BZW1: variants seen among roughly 807,000 people sequenced by gnomAD.
BZW1 encodes the protein eIF5-mimic protein 2.
In BZW1, 3 loss-of-function variants were observed where a neutral mutation model predicts 54.1. The observed-to-expected ratio is 0.06, with a 90% CI of 0.03 to 0.14. The LOEUF (loss-of-function observed/expected upper bound fraction) is 0.14, where lower values mean the gene tolerates loss of function less well. BZW1 is among the 10% of genes least tolerant of loss of function. The probability of loss-of-function intolerance (pLI) is 1.00; values close to 1 mark genes in which losing one functional copy is unlikely to be tolerated. For missense variants in BZW1, 206 were observed against 491.7 expected (o/e 0.42, Z 5.50); for synonymous variants, 152 against 162.7 (o/e 0.93, Z 0.50).
rs541791211 is a variant in BZW1, at chr2:200,812,983, A to G, written c.-10-225A>G. ...ACAATGTCGCTTAAAAGTAGTTCACAGCACTAATTTGAAGGGTTTCTTGTA... is the reference window on the plus strand; with the variant it reads ...ACAATGTCGCTTAAAAGTAGTTCACGGCACTAATTTGAAGGGTTTCTTGTA... On this transcript the variant is annotated intron_variant, in intron 1 of 11. Transcript: ENST00000409600. 1.7e-5 allele frequency: 12 copies of G among 691,324 alleles called. No individual in the cohort carries two copies. The African/African-American group carries it at 2.1e-4, about 12-fold the overall frequency. 42.8% of individuals were successfully genotyped at this position (691,324 alleles called of 1,614,324 possible). A position where few individuals can be genotyped will look rare whatever the true frequency, so the allele number is the denominator to read the frequency against.
At position 200,825,591 on chromosome 2, in the gene BZW1, C is replaced by G. The variant is rs902231974; in HGVS notation, c.*3413C>G. The G allele has an allele frequency of 2.0e-5, 3 of 152,218 alleles. No individual in the cohort carries two copies. The highest frequency in any genetic ancestry group is 4.4e-5 in the Non-Finnish European group (3 of 68,036). The allele number at this position is 152,218 out of a possible 1,614,324, so 9.4% of individuals were successfully genotyped here. On this transcript the variant is annotated 3_prime_UTR_variant, in exon 12 of 12. Coordinates refer to ENST00000409600, the MANE Select transcript of BZW1 (RefSeq NM_001207067.2). ...TTGTTCCTTACCCCACCACAGGCAA[C>G]AGACAAAGCATTTCCTGCTGTCTTT...
At chr2:200,815,550 T>C (rs745707522) in intron 3 of BZW1, 33 bp downstream of exon 3, 2 of 1,611,408 alleles carry the variant, frequency 1.2e-6, no homozygotes, top group South Asian at 2.2e-5. Context: ...CTTAATAATT[T>C]AGAAAGGTAT....
chr2:200,819,961 T>C, intron 9 of BZW1, 21 bp from the exon 10 acceptor site: 2 of 1,477,314 alleles, frequency 1.4e-6, no homozygotes, highest in Non-Finnish European at 1.8e-6. Context: ...TGACTAAATC[T>C]TTTCTCTGTT....
chr2:200,813,041 T>C (rs2038148235), intron 1 of BZW1, 167 bp from the exon 2 acceptor site: 1 of 696,082 alleles, frequency 1.4e-6, no homozygotes. Flanking sequence ...TACATTTGAT[T>C]CAAGTGCAGG....
In BZW1 at chr2:200,812,703, C is replaced by T; in HGVS notation, c.-10-505C>T. ...TTTTGCAGGCCTGAGTGGTGCAAGG[C>T]GGCCGCTGTTGCGGTCACAGGCATG... On this transcript the variant is annotated intron_variant, in intron 1 of 11. Coordinates refer to ENST00000409600, the MANE Select transcript of BZW1 (RefSeq NM_001207067.2). 5 of 885,642 alleles carry T rather than the reference C, an allele frequency of 5.6e-6. No homozygotes were observed. In the South Asian group the frequency reaches 6.2e-5, roughly 11 times the overall value. 54.9% of individuals were successfully genotyped at this position (885,642 alleles called of 1,614,324 possible).
In BZW1 at chr2:200,826,465, C is replaced by T. The variant is rs1262112070; in HGVS notation, c.*4287C>T. ...TTTGAGACAGAGTCTCGCTCTGTCGCCCAGGCGGGAGTGCAGTGGCACAAT... is the reference window on the plus strand; with the variant it reads ...TTTGAGACAGAGTCTCGCTCTGTCGTCCAGGCGGGAGTGCAGTGGCACAAT... On this transcript the variant is annotated 3_prime_UTR_variant, in exon 12 of 12. Coordinates refer to ENST00000409600, the MANE Select transcript of BZW1 (RefSeq NM_001207067.2). 1.6e-5 allele frequency: 2 copies of T among 127,468 alleles called. No individual in the cohort carries two copies. Among genetic ancestry groups the T allele is most frequent in the African/African-American group, 3.0e-5 (1 of 32,872 alleles). The allele number at this position is 127,468 out of a possible 1,614,324, so 7.9% of individuals were successfully genotyped here. A position where few individuals can be genotyped will look rare whatever the true frequency, so the allele number is the denominator to read the frequency against.
chr2:200,812,719 C>A, intron 1 of BZW1: 1 of 794,822 alleles, frequency 1.3e-6, no homozygotes, highest in Non-Finnish European at 2.2e-6. Context: ...CTGTTGCGGT[C>A]ACAGGCATGA....
At position 200,813,232 on chromosome 2, in the gene BZW1, G is replaced by A. The variant is rs755147359; in HGVS notation, c.15G>A (p.Lys5=). The A allele has an allele frequency of 3.1e-6, 5 of 1,613,398 alleles. No homozygotes were observed. Among genetic ancestry groups the A allele is most frequent in the African/African-American group, 1.3e-5 (1 of 74,890 alleles). MNNQ[K]QQKPTLSGQR... Reference sequence around the variant, plus strand: ...GGGTGTCTTTTATGAATAATCAAAAGCAGCAAAAGCCAACGCTATCAGGCC... The same window carrying A: ...GGGTGTCTTTTATGAATAATCAAAAACAGCAAAAGCCAACGCTATCAGGCC... Residue 5 remains lysine (K), a synonymous_variant, in exon 2 of 12, where the codon AAG becomes AAA. Transcript: ENST00000409600.
chr2:200,817,296 C>T (rs2105869546), intron 6 of BZW1, 55 bp downstream of exon 6: 1 of 1,582,474 alleles, frequency 6.3e-7, no homozygotes, highest in Admixed American at 1.7e-5. Context: ...TGGATAAGAG[C>T]ATGGTTTACT....
Position 200,821,244 on chromosome 2 carries a change from G to A in BZW1, c.1167G>A (p.Gly389=). Residue 389 remains glycine (G), a synonymous_variant, in exon 11 of 12, where the codon GGG becomes GGA. Coordinates refer to ENST00000409600, the MANE Select transcript of BZW1 (RefSeq NM_001207067.2). The part of the protein sequence containing the change: ...KWYKDAHVAK[G]KSVFLEQMKK... The stretch of plus-strand genomic sequence containing the variant: ...ATAAAGATGCACATGTTGCAAAGGG[G>A]AAGAGTGTTTTCCTTGAGCAAATGA... 6.2e-7 allele frequency: 1 copy of A among 1,612,900 alleles called. No homozygotes were observed. Among genetic ancestry groups the A allele is most frequent in the Non-Finnish European group, 8.5e-7 (1 of 1,179,688 alleles).
At chr2:200,821,404 T>C in intron 11 of BZW1, 99 bp downstream of exon 11, 1 of 1,419,554 alleles carries the variant, frequency 7.0e-7, no homozygotes, top group Non-Finnish European at 9.5e-7. Flanking sequence ...TGCCATTTTG[T>C]ACCTGGAGTA....
intron 7 of BZW1, 54 bp downstream of exon 7, chr2:200,818,137 A>G: frequency 6.6e-7 from 1 of 1,509,828 alleles, no homozygotes; most frequent in South Asian, 1.3e-5. Flanking sequence ...AAATGAGAGA[A>G]ATTTCTCATT....
chr2:200,819,043 A>T, intron 9 of BZW1, 142 bp downstream of exon 9: 1 of 957,638 alleles, frequency 1.0e-6, no homozygotes, highest in Non-Finnish European at 1.5e-6. Flanking sequence ...AAATAGTAAC[A>T]TTAGCTATTG....
In BZW1 at chr2:200,815,222, T is replaced by A; in HGVS notation, c.65-119T>A. The A allele has an allele frequency of 3.7e-6, 4 of 1,068,706 alleles. No homozygotes were observed. In the South Asian group the frequency reaches 7.0e-5, roughly 19 times the overall value. The allele number at this position is 1,068,706 out of a possible 1,614,324, so 66.2% of individuals were successfully genotyped here. ...GTCTTACACTTGCAGAGGGGAAACA[T>A]GCAAAGGATGTGAATTTAATCTAAC... On this transcript the variant is annotated intron_variant, in intron 2 of 11. Coordinates refer to ENST00000409600, the MANE Select transcript of BZW1 (RefSeq NM_001207067.2).
Position 200,827,141 on chromosome 2 carries a change from A to G in BZW1, c.*4963A>G, listed in dbSNP as rs1162779294. Reference sequence around the variant, plus strand: ...CTAGTTAGGAGCAATGGCGCCCAGGACGGCACACAGAATGGAGAAAACTGG... The same window carrying G: ...CTAGTTAGGAGCAATGGCGCCCAGGGCGGCACACAGAATGGAGAAAACTGG... On this transcript the variant is annotated 3_prime_UTR_variant, in exon 12 of 12. Transcript: ENST00000409600. 6.6e-6 allele frequency: 1 copy of G among 152,158 alleles called. No homozygotes were observed. The highest frequency in any genetic ancestry group is 1.5e-5 in the Non-Finnish European group (1 of 68,026). 9.4% of individuals were successfully genotyped at this position (152,158 alleles called of 1,614,324 possible).
At chr2:200,819,259 G>A (rs970158531) in intron 9 of BZW1, 8 of 220,024 alleles carry the variant, frequency 3.6e-5, no homozygotes, top group South Asian at 6.0e-5. Context: ...TCGTGGTGGC[G>A]CATGCCTGTA....
chr2:200,815,248 T>G lies in BZW1; in HGVS notation c.65-93T>G, dbSNP rs561309434. On this transcript the variant is annotated intron_variant, in intron 2 of 11. Coordinates refer to ENST00000409600, the MANE Select transcript of BZW1 (RefSeq NM_001207067.2). ...GCAAAGGATGTGAATTTAATCTAAC[T>G]TATTTAACAATTGCATCTTCATAAG... is the stretch of plus-strand genomic sequence containing the variant. 10 of 1,277,278 alleles carry G rather than the reference T, an allele frequency of 7.8e-6. No homozygotes were observed. In the East Asian group the frequency reaches 2.4e-4, roughly 31 times the overall value. 79.1% of individuals were successfully genotyped at this position (1,277,278 alleles called of 1,614,324 possible). A position where few individuals can be genotyped will look rare whatever the true frequency, so the allele number is the denominator to read the frequency against.
Position 200,822,198 on chromosome 2 carries a change from A to T in BZW1, c.*20A>T, listed in dbSNP as rs1217479754. The T allele has an allele frequency of 6.3e-7, 1 of 1,579,842 alleles. No individual in the cohort carries two copies. Among genetic ancestry groups the T allele is most frequent in the South Asian group, 1.1e-5 (1 of 87,884 alleles). On this transcript the variant is annotated 3_prime_UTR_variant, in exon 12 of 12. Transcript: ENST00000409600. Reference sequence around the variant, plus strand: ...GACTGAATTTTGAAACTACACCCTCAGTAAAGCAAACAGGAGTTGTAGATA... The same window carrying T: ...GACTGAATTTTGAAACTACACCCTCTGTAAAGCAAACAGGAGTTGTAGATA...
chr2:200,818,689 C>G (rs762991952), intron 8 of BZW1, 66 bp from the exon 9 acceptor site: 61 of 1,511,030 alleles, frequency 4.0e-5, no homozygotes, highest in Non-Finnish European at 5.4e-5. Flanking sequence ...AAGGTCTAAA[C>G]TTGATGTGTG....
Sources: gnomAD v4.1 joint callset for allele counts on GRCh38, gnomAD v4.1.1 for gene constraint, MANE v1.5 for transcripts, NCBI Gene and HGNC (gene_info 2026-07-23, HGNC 2026-07-21) for gene names.